The following CEP83 variants were observed in gnomAD, a reference collection of about 807,000 sequenced individuals.
CEP83 encodes the protein centrosomal protein of 83 kDa.
A neutral mutation model predicts 101.9 loss-of-function variants in CEP83; 70 were observed. The ratio of observed to expected loss-of-function variants is 0.69; its 90% confidence interval spans 0.57 to 0.84. The LOEUF is 0.84. CEP83 is among the 40% of genes least tolerant of loss of function. The probability of loss-of-function intolerance (pLI) is 0.00; values close to 1 mark genes in which losing one functional copy is unlikely to be tolerated. For missense variants in CEP83, 715 were observed against 787.2 expected (o/e 0.91, Z 1.10); for synonymous variants, 264 against 267.9 (o/e 0.99, Z 0.14).
rs369894676 is a variant in CEP83 at position 94,308,892 on chromosome 12, G to A, written c.2027C>T (p.Ser676Phe). The A allele has an allele frequency of 6.2e-7, 1 of 1,611,760 alleles. No homozygotes were observed. The highest frequency in any genetic ancestry group is 8.5e-7 in the Non-Finnish European group (1 of 1,178,198). ...TTCTTCTAGTCTTTTGCGAAGTAGAGAGAGTTCCCTTTGATGTTGTTCCTC... is the reference window on the plus strand; with the variant it reads ...TTCTTCTAGTCTTTTGCGAAGTAGAAAGAGTTCCCTTTGATGTTGTTCCTC... ...MQEEQHQREL[S>F]LLRKRLEELE... Residue 676 changes from serine to phenylalanine, a missense_variant, in exon 17 of 17, where the codon TCT becomes TTT. Physicochemically the swap from Ser to Phe is radical, Grantham distance 155. Coordinates refer to ENST00000397809, the MANE Select transcript of CEP83 (RefSeq NM_016122.3).
At chr12:94,420,439 T>C (rs965502854) in intron 2 of CEP83, among the ~76,000 whole-genome samples, 1 of 152,216 alleles carries the variant, frequency 6.6e-6, no homozygotes, top group East Asian at 1.9e-4. Context: ...AGCACTATAC[T>C]GCAATAAAAA....
chr12:94,340,954 C>T (rs1423131618), intron 11 of CEP83, among the ~76,000 whole-genome samples: 1 of 152,216 alleles, frequency 6.6e-6, no homozygotes, highest in Admixed American at 6.5e-5. Flanking sequence ...GTCCCTGAAA[C>T]CAGCAAAACC....
intron 2 of CEP83, among the ~76,000 whole-genome samples, chr12:94,417,994 A>G (rs2064416671): frequency 6.6e-6 from 1 of 152,226 alleles, no homozygotes; most frequent in East Asian, 1.9e-4. Context: ...GAAATAAATG[A>G]AAAGAGGGTC....
In CEP83 at chr12:94,369,989, T is replaced by C; in HGVS notation, c.981A>G (p.Lys327=). 6.2e-7 allele frequency: 1 copy of C among 1,611,286 alleles called. No homozygotes were observed. Reference sequence around the variant, plus strand: ...CACTCTTAGCTCTTGCTGTCTCCAGTTTGATGTCTGTTATTTCCAGTTTGT... The same window carrying C: ...CACTCTTAGCTCTTGCTGTCTCCAGCTTGATGTCTGTTATTTCCAGTTTGT... ...HSNKLEITDI[K]LETARAKSEL... The change falls in exon 9 of 17, where the codon AAA becomes AAG. Residue 327 remains lysine (K), a synonymous_variant. Transcript: ENST00000397809.
At chr12:94,323,146 G>A (rs1187273921) in intron 14 of CEP83, among the ~76,000 whole-genome samples, 8 of 152,136 alleles carry the variant, frequency 5.3e-5, no homozygotes, top group Non-Finnish European at 1.2e-4. Flanking sequence ...ATGGTAGTGG[G>A]GCCTGCAGAC....
chr12:94,400,079 T>C (rs1298079303), intron 6 of CEP83, among the ~76,000 whole-genome samples: 1 of 152,242 alleles, frequency 6.6e-6, no homozygotes, highest in African/African-American at 2.4e-5. Context: ...CTCTTAATTC[T>C]AAATAAAGAC....
In CEP83 at chr12:94,372,342, C is replaced by G. The variant is rs1034364473; in HGVS notation, c.934-2306G>C. Among the ~76,000 whole-genome samples the G allele has an allele frequency of 7.2e-5, 11 of 152,254 alleles. No homozygotes were observed. The East Asian group carries it at 2.1e-3, about 29-fold the overall frequency. On this transcript the variant is annotated intron_variant, in intron 8 of 16. Coordinates refer to ENST00000397809, the MANE Select transcript of CEP83 (RefSeq NM_016122.3). ...GTTTTATAAAATGATGTTTACATGACAACAGCTGATAATTTGTTTTAATAC... is the reference window on the plus strand; with the variant it reads ...GTTTTATAAAATGATGTTTACATGAGAACAGCTGATAATTTGTTTTAATAC...
chr12:94,376,092 T>C lies in CEP83; in HGVS notation c.802-75A>G, dbSNP rs556519794. The C allele has an allele frequency of 9.3e-5, 85 of 909,812 alleles. 2 individuals carry two copies. In the South Asian group the frequency reaches 1.5e-3, roughly 16 times the overall value. The allele number at this position is 909,812 out of a possible 1,614,324, so 56.4% of individuals were successfully genotyped here. ...AAAATCAAATAAGCACTATTTAAAA[T>C]ACATTTATAATTATACTAAAATTAT... On this transcript the variant is annotated intron_variant, in intron 7 of 16. Transcript: ENST00000397809.
intron 4 of CEP83, among the ~76,000 whole-genome samples, chr12:94,403,651 A>C (rs1024980860): frequency 6.6e-6 from 1 of 152,204 alleles, no homozygotes; most frequent in Non-Finnish European, 1.5e-5. Context: ...ACTTATTTTC[A>C]ATTAGAAAAG....
At chr12:94,417,424 G>T (rs942168982) in intron 2 of CEP83, among the ~76,000 whole-genome samples, 1 of 152,062 alleles carries the variant, frequency 6.6e-6, no homozygotes, top group African/African-American at 2.4e-5. Context: ...GTCAGAAAAA[G>T]CCAGCTAAAA....
In CEP83 at chr12:94,317,036, C is replaced by T. The variant is rs192452110; in HGVS notation, c.1708-4019G>A. Among the ~76,000 whole-genome samples, 3 of 152,240 alleles carry T rather than the reference C, an allele frequency of 2.0e-5. No individual in the cohort carries two copies. The South Asian group carries it at 6.3e-4, about 32-fold the overall frequency. On this transcript the variant is annotated intron_variant, in intron 14 of 16. Coordinates refer to ENST00000397809, the MANE Select transcript of CEP83 (RefSeq NM_016122.3). ...ATGGTTGAACTAATTTACACTCCCA[C>T]CAACAGTGTATCAAAGTATTCCCTT...
chr12:94,272,986 G>A, the CEP83 span, among the ~76,000 whole-genome samples: 94 of 152,242 alleles, frequency 6.2e-4, no homozygotes, highest in South Asian at 1.2e-3. Flanking sequence ...TGGCCTCTTC[G>A]CTTCGCAGCC....
At chr12:94,294,078 G>A in the CEP83 span, among the ~76,000 whole-genome samples, 2 of 152,166 alleles carry the variant, frequency 1.3e-5, no homozygotes, top group Non-Finnish European at 2.9e-5. Context: ...TCCATAGCAA[G>A]TAACAATTTT....
At chr12:94,307,517 T>TAACA (rs921684647), downstream of CEP83, 5 of 152,220 alleles carry the variant, frequency 3.3e-5, no homozygotes, top group East Asian at 1.9e-4. Flanking sequence ...CTTTTTTTTC[T>TAACA]AACACTAGTG....
chr12:94,374,903 A>G (rs759107074), intron 8 of CEP83, among the ~76,000 whole-genome samples: 14 of 152,228 alleles, frequency 9.2e-5, no homozygotes, highest in Non-Finnish European at 1.9e-4. Context: ...AGTTTCAGAG[A>G]GACAGTGAAC....
intron 14 of CEP83, chr12:94,328,246 G>A (rs1234753207): frequency 5.9e-6 from 2 of 339,442 alleles, no homozygotes; most frequent in Admixed American, 6.7e-5. Flanking sequence ...GGGGTGGGGG[G>A]AATACACTCT....
At chr12:94,386,400 C>T (rs772687111) in intron 6 of CEP83, among the ~76,000 whole-genome samples, 1 of 152,216 alleles carries the variant, frequency 6.6e-6, no homozygotes, top group Non-Finnish European at 1.5e-5. Context: ...CTAATCAATA[C>T]TGCAAAGTTA....
At chr12:94,394,276 G>C (rs1017052387) in intron 6 of CEP83, among the ~76,000 whole-genome samples, 1 of 152,088 alleles carries the variant, frequency 6.6e-6, no homozygotes, top group Admixed American at 6.6e-5. Flanking sequence ...CCAAAACAGA[G>C]ATATAGACCA....
intron 4 of CEP83, among the ~76,000 whole-genome samples, chr12:94,409,156 C>A (rs1434512153): frequency 6.6e-6 from 1 of 151,874 alleles, no homozygotes; most frequent in Admixed American, 6.6e-5. Context: ...TCTAAACTTA[C>A]AATTTGCGCA....
Sources: allele counts gnomAD v4.1 joint callset (sites outside exome capture counted in the v4.1 genomes callset), GRCh38; gene constraint gnomAD v4.1.1; transcripts MANE v1.5; gene names NCBI Gene and HGNC (gene_info 2026-07-23, HGNC 2026-07-21).